Variants in RARB observed in about 807,000 individuals in gnomAD.
RARB encodes the protein retinoic acid receptor beta.
In RARB, 17 loss-of-function variants were observed where a neutral mutation model predicts 51.9. The ratio of observed to expected loss-of-function variants is 0.33; its 90% confidence interval spans 0.22 to 0.49. RARB has a LOEUF of 0.49. Among genes scored for constraint, RARB ranks in the 20% least tolerant of loss-of-function variants. The probability of loss-of-function intolerance (pLI) is 0.99; values close to 1 mark genes in which losing one functional copy is unlikely to be tolerated. For synonymous variants in RARB, 215 were observed against 195.4 expected (o/e 1.10, Z -0.84); for missense variants, 369 against 550.8 (o/e 0.67, Z 3.30).
chr3:25,204,520 G>T (rs1701480138), intron 5 of RARB, among the ~76,000 whole-genome samples: 1 of 152,144 alleles, frequency 6.6e-6, no homozygotes, highest in South Asian at 2.1e-4. Flanking sequence ...AGAATTTTCA[G>T]TTTTTCTGCT....
chr3:25,115,409 G>C (rs1363560191), intron 3 of RARB, among the ~76,000 whole-genome samples: 2 of 152,116 alleles, frequency 1.3e-5, no homozygotes, highest in Admixed American at 1.3e-4. Context: ...GTAACAATTG[G>C]GTGAGTGTGT....
intron 2 of RARB, among the ~76,000 whole-genome samples, chr3:25,032,551 A>C (rs1418546951): frequency 6.6e-6 from 1 of 152,252 alleles, no homozygotes; most frequent in Non-Finnish European, 1.5e-5. Context: ...ATTCAAAAGC[A>C]GTGTTCACTA....
At position 25,596,571 on chromosome 3, in the gene RARB, C is replaced by T. The variant is rs984618106; in HGVS notation, c.1302C>T (p.Ser434=). 26 of 1,612,750 alleles carry T rather than the reference C, an allele frequency of 1.6e-5. No homozygotes were observed. Among genetic ancestry groups the T allele is most frequent in the Non-Finnish European group, 2.2e-5 (26 of 1,179,096 alleles). ...AGCACAGTCCTAGCATCTCACCCAG[C>T]TCAGTGGAAAACAGTGGGGTCAGTC... ...TAEHSPSISP[S]SVENSGVSQS... is the part of the protein sequence containing the mutation. The change falls in exon 8 of 8, where the codon AGC becomes AGT. Residue 434 remains serine (S), a synonymous_variant. Coordinates refer to ENST00000330688, the MANE Select transcript of RARB (RefSeq NM_000965.5).
chr3:24,862,144 T>C (rs933203988), intron 2 of RARB, among the ~76,000 whole-genome samples: 3 of 152,102 alleles, frequency 2.0e-5, no homozygotes, highest in African/African-American at 7.2e-5. Context: ...TGGCTGGAAA[T>C]AGGAAAAATG....
At chr3:24,991,172 G>C (rs1696901494) in intron 2 of RARB, among the ~76,000 whole-genome samples, 1 of 152,244 alleles carries the variant, frequency 6.6e-6, no homozygotes, top group Non-Finnish European at 1.5e-5. Context: ...TAGGCACGGT[G>C]ACTCACGCCT....
intron 4 of RARB, among the ~76,000 whole-genome samples, chr3:25,134,714 A>G (rs1274291331): frequency 6.6e-6 from 1 of 151,954 alleles, no homozygotes; most frequent in Non-Finnish European, 1.5e-5. Context: ...TCCAGAATGG[A>G]TTAGAATTGA....
chr3:25,416,803 C>T lies in RARB; in HGVS notation c.179-44390C>T, dbSNP rs990239440. ...CTTACTCAGTTCTTTCAGAGGGGCA[C>T]GTCACTCGTTTTGTCATGGACTTCT... On this transcript the variant is annotated intron_variant, in intron 5 of 11. Coordinates refer to the RARB transcript ENST00000383772. Among the ~76,000 whole-genome samples the T allele has an allele frequency of 7.2e-5, 11 of 152,160 alleles. 1 individual carries two copies. The highest frequency in any genetic ancestry group is 3.9e-4 in the Admixed American group (6 of 15,276).
chr3:25,370,385 G>A (rs1426097399), intron 5 of RARB, among the ~76,000 whole-genome samples: 2 of 152,282 alleles, frequency 1.3e-5, no homozygotes, highest in Middle Eastern at 3.4e-3. Flanking sequence ...GGTACCATAA[G>A]GGTAGCAAGG....
At chr3:25,091,178 C>T (rs1699192375) in intron 3 of RARB, among the ~76,000 whole-genome samples, 1 of 152,128 alleles carries the variant, frequency 6.6e-6, no homozygotes, top group African/African-American at 2.4e-5. Context: ...ACGTCAACTG[C>T]AATAAAGAGA....
chr3:25,098,757 G>T (rs1699346514), intron 3 of RARB, among the ~76,000 whole-genome samples: 1 of 152,164 alleles, frequency 6.6e-6, no homozygotes, highest in South Asian at 2.1e-4. Context: ...CTTTACAGAA[G>T]TAGTTTACTG....
At chr3:25,372,905 T>C (rs1052194296) in intron 5 of RARB, among the ~76,000 whole-genome samples, 2 of 152,210 alleles carry the variant, frequency 1.3e-5, no homozygotes, top group South Asian at 4.1e-4. Context: ...ATATGCATTG[T>C]AGGTAAAGTC....
In RARB at chr3:24,905,382, T is replaced by C. The variant is rs148244746; in HGVS notation, c.-380+46630T>C. On this transcript the variant is annotated intron_variant, in intron 2 of 11. Transcript: ENST00000383772. ...GCACCTTTTCAGCACAAGACAAAAA[T>C]ACCTCTGCTTACTTGACACATCTGA... 3.8e-3 allele frequency among the ~76,000 whole-genome samples: 576 copies of C among 152,298 alleles called. 2 individuals carry two copies. The highest frequency in any genetic ancestry group is 6.3e-3 in the Non-Finnish European group (427 of 68,026).
At chr3:25,146,083 A>C (rs73143470) in intron 4 of RARB, among the ~76,000 whole-genome samples, 5,522 of 152,226 alleles carry the variant, frequency 0.036, 324 homozygotes, top group African/African-American at 0.12. Flanking sequence ...CCTGCATGCA[A>C]ATCCTGGCCT....
intron 5 of RARB, among the ~76,000 whole-genome samples, chr3:25,360,192 G>A (rs868283067): frequency 2.6e-5 from 4 of 152,126 alleles, no homozygotes; most frequent in Admixed American, 2.0e-4. Flanking sequence ...AGGAGAGTTC[G>A]CTCTTCTTGT....
chr3:25,472,141 C>A (rs545774183), intron 2 of RARB, among the ~76,000 whole-genome samples: 2 of 152,328 alleles, frequency 1.3e-5, no homozygotes, highest in South Asian at 4.1e-4. Context: ...TAAAAGTAAA[C>A]CCCCACAAGG....
intron 5 of RARB, among the ~76,000 whole-genome samples, chr3:25,275,980 G>T (rs539729921): frequency 5.9e-5 from 9 of 152,306 alleles, no homozygotes; most frequent in African/African-American, 1.7e-4. Flanking sequence ...TGAGCAGCAA[G>T]GTAAGAGCCA....
At chr3:25,159,739 C>T (rs1700444271) in intron 4 of RARB, among the ~76,000 whole-genome samples, 1 of 152,112 alleles carries the variant, frequency 6.6e-6, no homozygotes, top group African/African-American at 2.4e-5. Flanking sequence ...GGAGGCCACA[C>T]AGCCAAGCTG....
chr3:25,450,912 C>T (rs1276463365), intron 1 of RARB, among the ~76,000 whole-genome samples: 4 of 152,058 alleles, frequency 2.6e-5, no homozygotes, highest in Non-Finnish European at 4.4e-5. Context: ...TGGTGAAACC[C>T]GGTTTCCACT....
At chr3:25,508,460 C>T (rs1029341823) in intron 3 of RARB, among the ~76,000 whole-genome samples, 4 of 152,140 alleles carry the variant, frequency 2.6e-5, no homozygotes, top group Non-Finnish European at 5.9e-5. Context: ...ATCACCTTTG[C>T]TTGTGCACAA....
Sources: gnomAD v4.1 joint callset for allele counts (sites outside exome capture counted in the v4.1 genomes callset) on GRCh38, gnomAD v4.1.1 for gene constraint, MANE v1.5 for transcripts, NCBI Gene and HGNC (gene_info 2026-07-23, HGNC 2026-07-21) for gene names.